The following SPATA18 variants were observed in gnomAD, a reference collection of about 807,000 sequenced individuals.
The protein encoded by SPATA18 is spermatogenesis associated 18, also known as mitochondria-eating protein.
SPATA18 carries 54 observed loss-of-function variants against 68.1 expected under a neutral mutation model. That is an observed-to-expected ratio of 0.79 (90% CI 0.64 to 0.99). SPATA18 has a LOEUF of 0.99. SPATA18 is among the 50% of genes least tolerant of loss of function. SPATA18 has a pLI of 0.00. For synonymous variants in SPATA18, 242 were observed against 244.8 expected (o/e 0.99, Z 0.11); for missense variants, 724 against 681.1 (o/e 1.06, Z -0.70).
chr4:52,078,124 CAG>C (rs1239686218), intron 7 of SPATA18, among the ~76,000 whole-genome samples: 1 of 147,310 alleles, frequency 6.8e-6, no homozygotes, highest in Admixed American at 6.7e-5. Context: ...AAAAAAAAGA[CAG>C]AAACTGTATG....
chr4:52,075,756 G>C (rs1371744311), intron 6 of SPATA18, among the ~76,000 whole-genome samples: 1 of 152,196 alleles, frequency 6.6e-6, no homozygotes, highest in Non-Finnish European at 1.5e-5. Context: ...TCAGCGGCCC[G>C]GTATTGCCAA....
intron 6 of SPATA18, among the ~76,000 whole-genome samples, chr4:52,075,618 C>G (rs891905004): frequency 1.1e-4 from 17 of 152,180 alleles, no homozygotes; most frequent in African/African-American, 3.4e-4. Context: ...ATGAGGCTCT[C>G]AGATGGCTCC....
chr4:52,053,482 A>T lies in SPATA18; in HGVS notation c.87+1691A>T, dbSNP rs35746702. ...ATTCTTCCCCCTCCACTCCTGCTTCATCTGTTACAAGTATGCTGATGAATC... is the reference window on the plus strand; with the variant it reads ...ATTCTTCCCCCTCCACTCCTGCTTCTTCTGTTACAAGTATGCTGATGAATC... On this transcript the variant is annotated intron_variant, in intron 1 of 12. Transcript: ENST00000295213. 6.7e-3 allele frequency among the ~76,000 whole-genome samples: 1,027 copies of T among 152,296 alleles called. 5 individuals are homozygous for T. The highest frequency in any genetic ancestry group is 0.01 in the Non-Finnish European group (686 of 68,024).
Position 52,084,950 on chromosome 4 carries a change from G to T in SPATA18, c.1514G>T (p.Ser505Ile). 2 of 1,613,914 alleles carry T rather than the reference G, an allele frequency of 1.2e-6. No individual in the cohort carries two copies. The highest frequency in any genetic ancestry group is 1.7e-6 in the Non-Finnish European group (2 of 1,179,942). The change falls in exon 11 of 13, where the codon AGC (serine) becomes ATC (isoleucine). Residue 505 changes from serine to isoleucine, a missense_variant. Transcript: ENST00000295213. Reference protein sequence around the residue: ...NSVRSVSRCRSRSLSPICPRS... With the variant: ...NSVRSVSRCRIRSLSPICPRS... ...GTGCGATCTGTAAGTCGTTGTCGAA[G>T]CAGGAGTTTAAGTCCCATTTGCCCC... is the stretch of plus-strand genomic sequence containing the variant.
intron 1 of SPATA18, among the ~76,000 whole-genome samples, chr4:52,054,523 C>T (rs775469765): frequency 2.0e-5 from 3 of 152,050 alleles, no homozygotes; most frequent in Non-Finnish European, 2.9e-5. Flanking sequence ...GAAGGGGGAA[C>T]GCTCACAAGC....
chr4:52,072,115 GAT>G lies in SPATA18; in HGVS notation c.719_720del (p.Ile240SerfsTer6). The G allele has an allele frequency of 6.2e-7, 1 of 1,614,096 alleles. No individual in the cohort carries two copies. Among genetic ancestry groups the G allele is most frequent in the Non-Finnish European group, 8.5e-7 (1 of 1,180,014 alleles). On this transcript the variant is annotated frameshift_variant, in exon 6 of 13. Coordinates refer to ENST00000295213, the MANE Select transcript of SPATA18 (RefSeq NM_145263.4). LOFTEE classifies it high-confidence loss of function. ...KKQLRNLKEE[I>X]AVLSAEKSAL... ...AACAGCTCCGAAACCTGAAGGAGGA[GAT>G]AGCTGTTCTGTCTGCTGAGAAAAGT...
At chr4:52,091,623 C>A (rs1741965832) in intron 11 of SPATA18, among the ~76,000 whole-genome samples, 1 of 152,206 alleles carries the variant, frequency 6.6e-6, no homozygotes, top group South Asian at 2.1e-4. Flanking sequence ...GCAAAGATTG[C>A]TGCCTGTTCT....
chr4:52,057,177 G>A (rs749571425), intron 1 of SPATA18, among the ~76,000 whole-genome samples: 5 of 151,696 alleles, frequency 3.3e-5, no homozygotes, highest in Non-Finnish European at 7.4e-5. Context: ...CTGACTGCAG[G>A]CAACTTTTTT....
At chr4:52,074,367 G>A (rs913297765) in intron 6 of SPATA18, among the ~76,000 whole-genome samples, 8 of 152,176 alleles carry the variant, frequency 5.3e-5, no homozygotes, top group African/African-American at 1.9e-4. Context: ...TGGAAACAAA[G>A]GAAAGGGGCC....
chr4:52,088,663 G>A (rs61796824), intron 11 of SPATA18, among the ~76,000 whole-genome samples: 26,690 of 152,078 alleles, frequency 0.18, 2,650 homozygotes, highest in East Asian at 0.41. Flanking sequence ...GCTTTTTGAT[G>A]TGCTGCTGGA....
intron 1 of SPATA18, among the ~76,000 whole-genome samples, chr4:52,058,622 C>T (rs1388534725): frequency 6.6e-6 from 1 of 152,118 alleles, no homozygotes; most frequent in African/African-American, 2.4e-5. Flanking sequence ...GGTGTGCTTC[C>T]CTGAATCTTA....
chr4:52,083,346 T>C (rs1741121151), intron 10 of SPATA18: 1 of 985,374 alleles, frequency 1.0e-6, no homozygotes, highest in Non-Finnish European at 1.2e-6. Context: ...CTTTCACACA[T>C]ACAGTGGAGA....
rs1287126597 is a variant in SPATA18, at chr4:52,096,746, T to G, written c.*1859T>G. 1 of 121,294 alleles carries G rather than the reference T, an allele frequency of 8.2e-6. No individual in the cohort carries two copies. The highest frequency in any genetic ancestry group is 1.9e-5 in the Non-Finnish European group (1 of 51,876). 7.5% of individuals were successfully genotyped at this position (121,294 alleles called of 1,614,324 possible). A position where few individuals can be genotyped will look rare whatever the true frequency, so the allele number is the denominator to read the frequency against. On this transcript the variant is annotated 3_prime_UTR_variant, in exon 13 of 13. Transcript: ENST00000295213. ...ACTTTCTGAAGTGGTGGGCAATTCT[T>G]GTTAATGTTTTAAACAAAAAAAAAA...
At position 52,060,473 on chromosome 4, in the gene SPATA18, G is replaced by T. The variant is rs1738734897; in HGVS notation, c.142G>T (p.Ala48Ser). 4 of 1,614,032 alleles carry T rather than the reference G, an allele frequency of 2.5e-6. No individual in the cohort carries two copies. Among genetic ancestry groups the T allele is most frequent in the Non-Finnish European group, 3.4e-6 (4 of 1,179,950 alleles). The change falls in exon 2 of 13, where the codon GCC (alanine) becomes TCC (serine). Residue 48 changes from alanine (A) to serine (S), a missense_variant. Physicochemically the swap from Ala to Ser is moderately conservative, Grantham distance 99 (BLOSUM62 1). Coordinates refer to ENST00000295213, the MANE Select transcript of SPATA18 (RefSeq NM_145263.4). ...NHCLELIEQV[A>S]KVQGQLFGIL... ...TTGCCTTGAACTCATTGAGCAAGTT[G>T]CCAAGGTGCAGGGACAACTCTTTGG...
chr4:52,056,697 G>A (rs940596871), intron 1 of SPATA18, among the ~76,000 whole-genome samples: 8 of 152,154 alleles, frequency 5.3e-5, no homozygotes, highest in African/African-American at 1.9e-4. Flanking sequence ...AAGGACCTTT[G>A]GGAGACCCTT....
intron 1 of SPATA18, among the ~76,000 whole-genome samples, chr4:52,053,777 C>CCT (rs1738103076): frequency 1.3e-5 from 2 of 152,202 alleles, no homozygotes; most frequent in African/African-American, 4.8e-5. Flanking sequence ...ACCACCCCCA[C>CCT]TGCTACCACC....
At chr4:52,053,712 C>A (rs1366513496) in intron 1 of SPATA18, among the ~76,000 whole-genome samples, 1 of 152,142 alleles carries the variant, frequency 6.6e-6, no homozygotes, top group Admixed American at 6.6e-5. Flanking sequence ...CCCTTTTCAC[C>A]ATCATAATCT....
chr4:52,085,151 T>C (rs1197231052), intron 11 of SPATA18, 152 bp downstream of exon 11: 1 of 572,422 alleles, frequency 1.7e-6, no homozygotes, highest in Admixed American at 3.3e-5. Context: ...ATTTTTATAC[T>C]ACTGTGGGCT....
chr4:52,087,300 G>A (rs909613661), intron 11 of SPATA18, among the ~76,000 whole-genome samples: 11 of 152,122 alleles, frequency 7.2e-5, no homozygotes, highest in Admixed American at 5.9e-4. Flanking sequence ...TTTGGCTTTT[G>A]TTACCATTGC....
Sources: gnomAD v4.1 joint callset for allele counts (sites outside exome capture counted in the v4.1 genomes callset) on GRCh38, gnomAD v4.1.1 for gene constraint, MANE v1.5 for transcripts, NCBI Gene and HGNC (gene_info 2026-07-23, HGNC 2026-07-21) for gene names.